MBNL1: variants seen among roughly 807,000 people sequenced by gnomAD.
MBNL1 encodes the protein muscleblind like splicing regulator 1.
In MBNL1, 8 loss-of-function variants were observed where a neutral mutation model predicts 42.2. The ratio of observed to expected loss-of-function variants is 0.19; its 90% CI spans 0.11 to 0.34. The LOEUF (loss-of-function observed/expected upper bound fraction) is 0.34. Ranked by LOEUF, MBNL1 falls within the 10% of genes least tolerant of loss-of-function variation. The probability of loss-of-function intolerance (pLI) is 1.00; values close to 1 mark genes in which losing one functional copy is unlikely to be tolerated. For synonymous variants in MBNL1, 169 were observed against 173.9 expected, an observed-to-expected ratio of 0.97 and a Z score of 0.22; for missense variants, 309 against 495.3, an observed-to-expected ratio of 0.62 and a Z score of 3.57.
intron 2 of MBNL1, among the ~76,000 whole-genome samples, chr3:152,391,734 A>G (rs958333361): frequency 6.6e-6 from 1 of 152,222 alleles, no homozygotes; most frequent in African/African-American, 2.4e-5. Context: ...TTCAAGATGA[A>G]AAATAGAATA....
At chr3:152,455,970 A>G (rs957391016) in intron 7 of MBNL1, among the ~76,000 whole-genome samples, 2 of 152,342 alleles carry the variant, frequency 1.3e-5, no homozygotes, top group African/African-American at 2.4e-5. Flanking sequence ...TATGAACACT[A>G]TATAAAATTC....
intron 2 of MBNL1, among the ~76,000 whole-genome samples, chr3:152,409,465 GAAAAA>G (rs34338591): frequency 7.1e-6 from 1 of 140,558 alleles, no homozygotes; most frequent in African/African-American, 2.6e-5. Flanking sequence ...CATCTTAGCT[GAAAAA>G]AAAAAAAATG....
At chr3:152,304,426 GT>G (rs1159704124) in intron 2 of MBNL1, among the ~76,000 whole-genome samples, 2 of 152,124 alleles carry the variant, frequency 1.3e-5, no homozygotes, top group Admixed American at 6.5e-5. Flanking sequence ...ATATCTGCAA[GT>G]TTTAGACTAA....
chr3:152,344,718 G>T (rs149920095), intron 2 of MBNL1, among the ~76,000 whole-genome samples: 2 of 152,248 alleles, frequency 1.3e-5, no homozygotes, highest in Non-Finnish European at 2.9e-5. Context: ...TGTTGTGAAA[G>T]TAAAATATTA....
intron 7 of MBNL1, 56 bp from the exon 8 acceptor site, chr3:152,456,211 T>C: frequency 2.5e-6 from 3 of 1,200,596 alleles, no homozygotes; most frequent in South Asian, 1.2e-5. Context: ...GTTGCCATGG[T>C]TTCCATATTG....
chr3:152,268,444 T>C (rs1448680215), upstream of MBNL1: 1 of 290,170 alleles, frequency 3.4e-6, no homozygotes. Context: ...TCTAGTCTAA[T>C]TGGCTTCTAA....
intron 3 of MBNL1, among the ~76,000 whole-genome samples, chr3:152,420,239 C>G (rs1280815765): frequency 6.6e-6 from 1 of 152,200 alleles, no homozygotes. Context: ...CAGCAGATCT[C>G]CCACCTAGCA....
At position 152,456,054 on chromosome 3, in the gene MBNL1, CT is replaced by C. The variant is rs143652155; in HGVS notation, c.998-205del. Among the ~76,000 whole-genome samples the C allele has an allele frequency of 1.5e-3, 232 of 151,918 alleles. 1 individual carries two copies. The highest frequency in any genetic ancestry group is 3.0e-3 in the Non-Finnish European group (205 of 67,926). On this transcript the variant is annotated intron_variant, in intron 7 of 9. Transcript: ENST00000324210. The stretch of plus-strand genomic sequence containing the variant: ...TTGATGGTAACAAGCTTTTTTCCCC[CT>C]TTTTTTTCTCTTTCATCCCTCCTCC...
rs373863255 is a variant in MBNL1, at chr3:152,445,555, A to G, written c.807+16A>G. 8.8e-6 allele frequency: 14 copies of G among 1,596,654 alleles called. No individual in the cohort carries two copies. Among genetic ancestry groups the G allele is most frequent in the Non-Finnish European group, 1.1e-5 (13 of 1,170,152 alleles). On this transcript the variant is annotated intron_variant, in intron 5 of 9. Transcript: ENST00000324210. The stretch of plus-strand genomic sequence containing the variant: ...AGCTGCCATGGTGAGTAGAGATATC[A>G]GCTCTCTCCTTGTTAGCAGTCAGAA...
chr3:152,357,711 C>T (rs1205618322), intron 2 of MBNL1, among the ~76,000 whole-genome samples: 1 of 152,124 alleles, frequency 6.6e-6, no homozygotes, highest in Non-Finnish European at 1.5e-5. Flanking sequence ...CTTACTCTTG[C>T]TTCTTTAAGT....
intron 4 of MBNL1, among the ~76,000 whole-genome samples, chr3:152,433,336 AAAGATT>A (rs1362974597): frequency 6.6e-6 from 1 of 152,218 alleles, no homozygotes; most frequent in African/African-American, 2.4e-5. Context: ...TTGTTCTCAT[AAAGATT>A]AACAAATATT....
At chr3:152,273,632 A>G (rs1177524100) in intron 1 of MBNL1, among the ~76,000 whole-genome samples, 2 of 152,216 alleles carry the variant, frequency 1.3e-5, no homozygotes, top group Admixed American at 6.5e-5. Flanking sequence ...AAAACAGTTC[A>G]GGAAATATTA....
In MBNL1 at chr3:152,367,451, C is replaced by T. The variant is rs2096455268; in HGVS notation, c.175-47490C>T. On this transcript the variant is annotated intron_variant, in intron 2 of 9. Coordinates refer to ENST00000324210, the MANE Select transcript of MBNL1 (RefSeq NM_021038.5). ...AATTGATGGGCATTTGGATCGGTTC[C>T]AAGTCTTTACTATAGGGAATAGTGC... Among the ~76,000 whole-genome samples, 4 of 152,002 alleles carry T rather than the reference C, an allele frequency of 2.6e-5. 1 individual carries two copies. The highest frequency in any genetic ancestry group is 6.6e-5 in the Admixed American group (1 of 15,246).
chr3:152,268,150 T>C (rs1367494476), upstream of MBNL1: 3 of 152,366 alleles, frequency 2.0e-5, no homozygotes, highest in Admixed American at 6.5e-5. Context: ...AAGTAACATA[T>C]TATTTTTAAA....
rs377684445 is a variant in MBNL1, at chr3:152,273,447, A to G, written c.-790+4355A>G. ...AACAGATCCAGAACATCTCTTTCAGATAATCGTTCATGTTTTTAGAGAGGC... is the reference window on the plus strand; with the variant it reads ...AACAGATCCAGAACATCTCTTTCAGGTAATCGTTCATGTTTTTAGAGAGGC... On this transcript the variant is annotated intron_variant, in intron 1 of 9. Coordinates refer to ENST00000324210, the MANE Select transcript of MBNL1 (RefSeq NM_021038.5). 1.4e-4 allele frequency among the ~76,000 whole-genome samples: 22 copies of G among 152,326 alleles called. No homozygotes were observed. The South Asian group carries it at 3.9e-3, about 27-fold the overall frequency.
intron 4 of MBNL1, among the ~76,000 whole-genome samples, chr3:152,443,366 C>A (rs2099169674): frequency 6.6e-6 from 1 of 152,146 alleles, no homozygotes; most frequent in Admixed American, 6.5e-5. Flanking sequence ...CAAATAGCAG[C>A]TGAGAGAGAT....
At chr3:152,386,865 A>T (rs928666104) in intron 2 of MBNL1, among the ~76,000 whole-genome samples, 4 of 152,162 alleles carry the variant, frequency 2.6e-5, no homozygotes, top group Admixed American at 2.0e-4. Flanking sequence ...TGACTTTAAT[A>T]GTATAGGTTG....
intron 2 of MBNL1, among the ~76,000 whole-genome samples, chr3:152,332,740 G>A (rs1560181904): frequency 2.2e-5 from 1 of 45,262 alleles, no homozygotes; most frequent in East Asian, 3.6e-4. Flanking sequence ...GTGTGTGTGT[G>A]CGCGCGCGCA....
chr3:152,418,154 A>T (rs990443153), intron 3 of MBNL1, among the ~76,000 whole-genome samples: 8 of 152,230 alleles, frequency 5.3e-5, no homozygotes, highest in African/African-American at 1.9e-4. Context: ...CACTTTTTGT[A>T]TATTAAATCC....
Sources: allele counts gnomAD v4.1 joint callset (sites outside exome capture counted in the v4.1 genomes callset), GRCh38; gene constraint gnomAD v4.1.1; transcripts MANE v1.5; gene names NCBI Gene and HGNC (gene_info 2026-07-23, HGNC 2026-07-21).